The following ELP2 variants were observed in gnomAD, a reference collection of about 807,000 sequenced individuals.
ELP2 encodes elongator acetyltransferase complex subunit 2, also known as elongator complex protein 2.
ELP2 carries 90 observed loss-of-function variants against 119.2 expected under a neutral mutation model. That is an observed-to-expected ratio of 0.75 (90% confidence interval 0.64 to 0.90). The LOEUF is 0.90. ELP2 is among the 40% of genes least tolerant of loss of function. The pLI is 0.00. For missense variants in ELP2, 921 were observed against 967.8 expected, an observed-to-expected ratio of 0.95 and a Z score of 0.64; for synonymous variants, 339 against 331.0, an observed-to-expected ratio of 1.02 and a Z score of -0.26.
Position 36,137,803 on chromosome 18 carries a change from C to CAA in ELP2, c.289-444_289-443dup, listed in dbSNP as rs57722627. ...TCCCAAAGTATACTCATATTATCAC[C>CAA]AAAAAAAAAAAAAAAAAAAAAAAAT... On this transcript the variant is annotated intron_variant, in intron 3 of 21. Coordinates refer to ENST00000358232, the MANE Select transcript of ELP2 (RefSeq NM_018255.4). Among the ~76,000 whole-genome samples, 945 of 103,478 alleles carry CAA rather than the reference C, an allele frequency of 9.1e-3. 7 individuals are homozygous for CAA. Among genetic ancestry groups the CAA allele is most frequent in the South Asian group, 0.015 (39 of 2,634 alleles). The allele number at this position is 103,478 out of a possible 152,430, so 67.9% of individuals were successfully genotyped here.
At chr18:36,136,216 C>T (rs976209591) in intron 2 of ELP2, 91 bp from the exon 3 acceptor site, 3 of 902,874 alleles carry the variant, frequency 3.3e-6, no homozygotes, top group Non-Finnish European at 5.6e-6. Context: ...GTAGAGGGTA[C>T]AGGGGTATTG....
At chr18:36,174,372 G>A in intron 21 of ELP2, 113 bp from the exon 22 acceptor site, 1 of 1,038,382 alleles carries the variant, frequency 9.6e-7, no homozygotes, top group Non-Finnish European at 1.4e-6. Context: ...TGGCTAAAAT[G>A]TTAATGATGC....
intron 16 of ELP2, among the ~76,000 whole-genome samples, chr18:36,160,411 CAAAAAATTTT>C (rs2090699676): frequency 6.6e-6 from 1 of 151,658 alleles, no homozygotes; most frequent in Non-Finnish European, 1.5e-5. Context: ...CCCATCTCTA[CAAAAAATTTT>C]AAAAAATTAG....
In ELP2 at chr18:36,174,856, G is replaced by A. The variant is rs1020915379; in HGVS notation, c.*215G>A. ...GGACTAGAGGCACACCACCAATTCC[G>A]GCTAATTTTTGTATTTTTAGTAGAG... On this transcript the variant is annotated 3_prime_UTR_variant, in exon 22 of 22. Transcript: ENST00000358232. 61 of 483,336 alleles carry A rather than the reference G, an allele frequency of 1.3e-4. No individual in the cohort carries two copies. Among genetic ancestry groups the A allele is most frequent in the African/African-American group, 4.7e-4 (24 of 51,064 alleles). 29.9% of individuals were successfully genotyped at this position (483,336 alleles called of 1,614,324 possible).
rs758640091 is a variant in ELP2 at position 36,138,386 on chromosome 18, A to G, written c.405A>G (p.Ala135=). 1 of 1,614,164 alleles carries G rather than the reference A, an allele frequency of 6.2e-7. No individual in the cohort carries two copies. The highest frequency in any genetic ancestry group is 1.7e-5 in the Admixed American group (1 of 60,014). Residue 135 remains alanine, a synonymous_variant, in exon 4 of 22, where the codon GCA becomes GCG. Transcript: ENST00000358232. The stretch of plus-strand genomic sequence containing the variant: ...GTACACTGATCGTTTCTGCAGCTGC[A>G]GATTCTGCTGTTCGACTCTGGTCTA... ...ALCTLIVSAA[A]DSAVRLWSKK... is the part of the protein sequence containing the mutation.
chr18:36,139,293 A>G, intron 5 of ELP2: 1 of 863,122 alleles, frequency 1.2e-6, no homozygotes, highest in Non-Finnish European at 1.7e-6. Flanking sequence ...ATTTTGCCCA[A>G]GACCACTTAA....
Position 36,136,390 on chromosome 18 carries a change from GT to G in ELP2, c.288+16del. On this transcript the variant is annotated intron_variant, in intron 3 of 21. Transcript: ENST00000358232. ...AGAGGATAATCAGGTGAGTGGACAT[GT>G]TTATAATCAAGAAATGACTTTTTTT... The G allele has an allele frequency of 6.3e-7, 1 of 1,587,828 alleles. No homozygotes were observed. Among genetic ancestry groups the G allele is most frequent in the Non-Finnish European group, 8.7e-7 (1 of 1,155,970 alleles).
In ELP2 at chr18:36,129,926, T is replaced by G. The variant is rs113061635; in HGVS notation, c.-8T>G. 1 of 1,614,214 alleles carries G rather than the reference T, an allele frequency of 6.2e-7. No individual in the cohort carries two copies. Among genetic ancestry groups the G allele is most frequent in the Admixed American group, 1.7e-5 (1 of 60,024 alleles). The stretch of plus-strand genomic sequence containing the variant: ...GTCTCTTGTTTGTGCGGCTGACCAG[T>G]TGGCGACATGGTGGCACCCGTGCTG... On this transcript the variant is annotated 5_prime_UTR_variant, in exon 1 of 22. Transcript: ENST00000358232.
chr18:36,149,479 T>TTTTC, intron 11 of ELP2, among the ~76,000 whole-genome samples: 1 of 79,742 alleles, frequency 1.3e-5, no homozygotes, highest in Non-Finnish European at 2.9e-5. Context: ...GGGTTTTTTG[T>TTTTC]TTTGTTTTGT....
intron 5 of ELP2, among the ~76,000 whole-genome samples, chr18:36,140,895 A>G (rs1055661879): frequency 2.0e-5 from 3 of 152,226 alleles, no homozygotes; most frequent in African/African-American, 7.2e-5. Flanking sequence ...CATAGAATGG[A>G]GAGAAGGACT....
In ELP2 at chr18:36,171,037, T is replaced by C; in HGVS notation, c.2211-10T>C. 1 of 1,589,544 alleles carries C rather than the reference T, an allele frequency of 6.3e-7. No homozygotes were observed. The highest frequency in any genetic ancestry group is 8.6e-7 in the Non-Finnish European group (1 of 1,157,660). The stretch of plus-strand genomic sequence containing the variant: ...AGTTAATCACTGTTGTCCCCCTCCC[T>C]TAAAAACAGATACGTGGTTGCAGTA... On this transcript the variant is annotated splice_polypyrimidine_tract_variant and intron_variant, in intron 20 of 21. Coordinates refer to ENST00000358232, the MANE Select transcript of ELP2 (RefSeq NM_018255.4).
intron 4 of ELP2, 100 bp downstream of exon 4, chr18:36,138,526 A>C (rs1273727799): frequency 1.5e-6 from 2 of 1,305,140 alleles, no homozygotes; most frequent in Non-Finnish European, 2.1e-6. Context: ...ACTTTGGAGC[A>C]ACTTTAAAAA....
At position 36,138,859 on chromosome 18, in the gene ELP2, G is replaced by A. The variant is rs1340836470; in HGVS notation, c.510G>A (p.Leu170=). Residue 170 remains leucine (L), a synonymous_variant, in exon 5 of 22, where the codon TTG becomes TTA. Transcript: ENST00000358232. ...GFALALCLSF[L]PNTDVPILAC... is the part of the protein sequence containing the mutation. ...CTTTGGCTCTCTGCTTATCTTTTTTGCCAAATACTGATGGTGAGTATCCTG... is the reference window on the plus strand; with the variant it reads ...CTTTGGCTCTCTGCTTATCTTTTTTACCAAATACTGATGGTGAGTATCCTG... 3 of 1,613,354 alleles carry A rather than the reference G, an allele frequency of 1.9e-6. No individual in the cohort carries two copies. Among genetic ancestry groups the A allele is most frequent in the Admixed American group, 1.7e-5 (1 of 60,002 alleles).
At chr18:36,148,153 GC>G (rs1386701389) in intron 11 of ELP2, among the ~76,000 whole-genome samples, 1 of 151,204 alleles carries the variant, frequency 6.6e-6, no homozygotes, top group African/African-American at 2.4e-5. Flanking sequence ...GAGTGCAGTG[GC>G]GCTATCTCGG....
At chr18:36,173,373 C>T (rs1475546361) in intron 21 of ELP2, among the ~76,000 whole-genome samples, 2 of 152,284 alleles carry the variant, frequency 1.3e-5, no homozygotes, top group East Asian at 3.9e-4. Context: ...TCAATCATTT[C>T]CTCTTTTTAA....
chr18:36,156,743 A>G, intron 13 of ELP2, 89 bp downstream of exon 13: 1 of 1,157,364 alleles, frequency 8.6e-7, no homozygotes, highest in Non-Finnish European at 1.3e-6. Context: ...AATGGAATAT[A>G]TGGGTAGAAA....
rs1236012059 is a variant in ELP2 at position 36,142,757 on chromosome 18, CAAAA to C, written c.656-66_656-63del. On this transcript the variant is annotated intron_variant, in intron 7 of 21. Coordinates refer to ENST00000358232, the MANE Select transcript of ELP2 (RefSeq NM_018255.4). ...AATCTGGAAATATATATATTATAGA[CAAAA>C]AAGTCTTATACATAAACTTCACAAT... is the stretch of plus-strand genomic sequence containing the variant. The C allele has an allele frequency of 6.6e-6, 7 of 1,059,522 alleles. No individual in the cohort carries two copies. The South Asian group carries it at 7.3e-5, about 11-fold the overall frequency. The allele number at this position is 1,059,522 out of a possible 1,614,324, so 65.6% of individuals were successfully genotyped here.
At chr18:36,132,286 G>A (rs1036870091) in intron 1 of ELP2, among the ~76,000 whole-genome samples, 3 of 152,206 alleles carry the variant, frequency 2.0e-5, no homozygotes, top group African/African-American at 7.2e-5. Flanking sequence ...ACGACCATCT[G>A]TGGGCTAGCC....
At chr18:36,164,714 T>C (rs684890) in intron 18 of ELP2, 47 bp downstream of exon 18, 553,536 of 1,555,696 alleles carry the variant, frequency 0.36, 100,128 homozygotes, top group Admixed American at 0.39. Context: ...ACAGTTATGT[T>C]CATTTTATCT....
Sources: gnomAD v4.1 joint callset for allele counts (sites outside exome capture counted in the v4.1 genomes callset) on GRCh38, gnomAD v4.1.1 for gene constraint, MANE v1.5 for transcripts, NCBI Gene and HGNC (gene_info 2026-07-23, HGNC 2026-07-21) for gene names.